FLRT2: variants seen among roughly 807,000 people sequenced by gnomAD.
The protein encoded by FLRT2 is leucine-rich repeat transmembrane protein FLRT2.
In FLRT2, 15 loss-of-function variants were observed where a neutral mutation model predicts 40.0. The ratio of observed to expected loss-of-function variants is 0.38; its 90% confidence interval spans 0.25 to 0.58. The LOEUF is 0.58. Among genes scored for constraint, FLRT2 ranks in the 20% least tolerant of loss-of-function variants. The probability of loss-of-function intolerance (pLI) is 0.71; values close to 1 mark genes in which losing one functional copy is unlikely to be tolerated. For missense variants in FLRT2, 726 were observed against 840.0 expected (o/e 0.86, Z 1.68); for synonymous variants, 380 against 336.8 (o/e 1.13, Z -1.41).
At chr14:85,559,026 G>GCACATAGAAGCACATGTGTA (rs1267809794) in intron 1 of FLRT2, among the ~76,000 whole-genome samples, 2 of 152,124 alleles carry the variant, frequency 1.3e-5, no homozygotes, top group African/African-American at 4.8e-5. Context: ...ACCAATACAC[G>GCACATAGAAGCACATGTGTA]CACATAGAAG....
rs1375310588 is a variant in FLRT2 at position 85,623,625 on chromosome 14, CTG to C, written c.*130_*131del. On this transcript the variant is annotated 3_prime_UTR_variant, in exon 2 of 2. Transcript: ENST00000330753. The stretch of plus-strand genomic sequence containing the variant: ...AGATGCATTTGTGCATTTGAATACT[CTG>C]TAATTTATACGGTGTACTATATAAT... 6.5e-5 allele frequency: 46 copies of C among 708,130 alleles called. No individual in the cohort carries two copies. The highest frequency in any genetic ancestry group is 9.2e-5 in the Non-Finnish European group (43 of 466,840). The allele number at this position is 708,130 out of a possible 1,614,324, so 43.9% of individuals were successfully genotyped here.
At chr14:85,533,764 C>G (rs1247982161) in intron 1 of FLRT2, among the ~76,000 whole-genome samples, 1 of 151,684 alleles carries the variant, frequency 6.6e-6, no homozygotes, top group Non-Finnish European at 1.5e-5. Flanking sequence ...GCGAGGCGAG[C>G]TGGGCGCCCC....
intron 1 of FLRT2, among the ~76,000 whole-genome samples, chr14:85,588,588 T>A (rs1891743135): frequency 6.6e-6 from 1 of 152,158 alleles, no homozygotes; most frequent in Non-Finnish European, 1.5e-5. Context: ...GTATCCATCC[T>A]CTTAAGGATT....
chr14:85,609,025 T>A (rs1335757989), intron 1 of FLRT2, among the ~76,000 whole-genome samples: 1 of 152,208 alleles, frequency 6.6e-6, no homozygotes, highest in Non-Finnish European at 1.5e-5. Context: ...AAAGTGGCAG[T>A]GCAGGGATAA....
Position 85,530,396 on chromosome 14 carries a change from A to G in FLRT2, c.-515A>G, listed in dbSNP as rs376621464. Reference sequence around the variant, plus strand: ...GTGGCAGTTCTCAACGATGGGCAGGAGGGACCTCGGCGGCGACCCCTAAAA... The same window carrying G: ...GTGGCAGTTCTCAACGATGGGCAGGGGGGACCTCGGCGGCGACCCCTAAAA... On this transcript the variant is annotated 5_prime_UTR_variant, in exon 1 of 2. Transcript: ENST00000330753. The G allele has an allele frequency of 4.6e-5, 7 of 152,642 alleles. No individual in the cohort carries two copies. In the East Asian group the frequency reaches 1.2e-3, roughly 26 times the overall value. 9.5% of individuals were successfully genotyped at this position (152,642 alleles called of 1,614,324 possible).
intron 1 of FLRT2, among the ~76,000 whole-genome samples, chr14:85,538,901 A>G (rs1296674789): frequency 6.6e-6 from 1 of 152,138 alleles, no homozygotes; most frequent in Admixed American, 6.5e-5. Flanking sequence ...AGAATCTAGC[A>G]TCTAAACAGC....
intron 1 of FLRT2, among the ~76,000 whole-genome samples, chr14:85,588,056 C>G (rs189403247): frequency 6.6e-6 from 1 of 151,968 alleles, no homozygotes; most frequent in African/African-American, 2.4e-5. Context: ...CTCAGCCTCC[C>G]GAGTGATATT....
At chr14:85,539,297 A>T (rs963419372) in intron 1 of FLRT2, among the ~76,000 whole-genome samples, 1 of 152,088 alleles carries the variant, frequency 6.6e-6, no homozygotes, top group Non-Finnish European at 1.5e-5. Context: ...ACAGATGTAG[A>T]ATTCTGCAGA....
Position 85,638,152 on chromosome 14 carries a change from A to T in FLRT2, c.*14655A>T. 1.3e-5 allele frequency: 2 copies of T among 152,172 alleles called. No individual in the cohort carries two copies. The highest frequency in any genetic ancestry group is 2.9e-5 in the Non-Finnish European group (2 of 68,092). 9.4% of individuals were successfully genotyped at this position (152,172 alleles called of 1,614,324 possible). On this transcript the variant is annotated 3_prime_UTR_variant, in exon 2 of 2. Coordinates refer to ENST00000330753, the MANE Select transcript of FLRT2 (RefSeq NM_013231.6). ...ACTGAGTGTGGATAGAGAAAGGAGA[A>T]ATGGAAGAGTTTGGAGCACGGGCCA... is the stretch of plus-strand genomic sequence containing the variant.
intron 1 of FLRT2, among the ~76,000 whole-genome samples, chr14:85,564,593 A>T (rs1370349612): frequency 6.6e-6 from 1 of 152,190 alleles, no homozygotes; most frequent in Non-Finnish European, 1.5e-5. Flanking sequence ...CTGGTGGGTT[A>T]TGAGGCTCTC....
chr14:85,558,568 G>A (rs1890120531), intron 1 of FLRT2, among the ~76,000 whole-genome samples: 1 of 152,156 alleles, frequency 6.6e-6, no homozygotes, highest in Non-Finnish European at 1.5e-5. Context: ...TTCAAAGGAG[G>A]AGTCTCTTTC....
intron 1 of FLRT2, among the ~76,000 whole-genome samples, chr14:85,616,336 C>T (rs144443480): frequency 2.7e-5 from 4 of 150,676 alleles, no homozygotes; most frequent in Admixed American, 6.6e-5. Flanking sequence ...AAAAAAAAAC[C>T]CTTTTCCTTT....
intron 1 of FLRT2, among the ~76,000 whole-genome samples, chr14:85,534,446 G>A (rs1451685828): frequency 6.6e-6 from 1 of 152,102 alleles, no homozygotes; most frequent in Non-Finnish European, 1.5e-5. Flanking sequence ...AAGCAAAGAG[G>A]AAAAAATATC....
rs1381055722 is a variant in FLRT2 at position 85,633,207 on chromosome 14, G to C, written c.*9710G>C. 6.6e-6 allele frequency: 1 copy of C among 152,130 alleles called. No homozygotes were observed. The highest frequency in any genetic ancestry group is 1.5e-5 in the Non-Finnish European group (1 of 68,002). 9.4% of individuals were successfully genotyped at this position (152,130 alleles called of 1,614,324 possible). A position where few individuals can be genotyped will look rare whatever the true frequency, so the allele number is the denominator to read the frequency against. Reference sequence around the variant, plus strand: ...GCACAGCTATTATCAAGATGGGTCTGTCAGAAAGGTTTTCATTATTCTGTA... The same window carrying C: ...GCACAGCTATTATCAAGATGGGTCTCTCAGAAAGGTTTTCATTATTCTGTA... On this transcript the variant is annotated 3_prime_UTR_variant, in exon 2 of 2. Transcript: ENST00000330753.
rs576690120 is a variant in FLRT2, at chr14:85,644,894, T to C, written c.*21397T>C. ...GATGGTCATGCAGTTTGTAAAACTT[T>C]GCCAATCTCGTAGGAGATTAATAGC... is the stretch of plus-strand genomic sequence containing the variant. On this transcript the variant is annotated 3_prime_UTR_variant, in exon 2 of 2. Coordinates refer to ENST00000330753, the MANE Select transcript of FLRT2 (RefSeq NM_013231.6). 5.9e-5 allele frequency: 9 copies of C among 152,312 alleles called. No individual in the cohort carries two copies. In the South Asian group the frequency reaches 1.7e-3, roughly 28 times the overall value. The allele number at this position is 152,312 out of a possible 1,614,324, so 9.4% of individuals were successfully genotyped here.
At chr14:85,617,548 A>G (rs1294584082) in intron 1 of FLRT2, among the ~76,000 whole-genome samples, 1 of 152,160 alleles carries the variant, frequency 6.6e-6, no homozygotes, top group Non-Finnish European at 1.5e-5. Flanking sequence ...CCCAACTTAA[A>G]GTCTAAAAGG....
chr14:85,553,001 T>A (rs1889734316), intron 1 of FLRT2, among the ~76,000 whole-genome samples: 1 of 152,198 alleles, frequency 6.6e-6, no homozygotes, highest in Admixed American at 6.5e-5. Context: ...CTACATTGAA[T>A]TTTAACTATG....
chr14:85,600,421 G>A (rs1277798628), intron 1 of FLRT2, among the ~76,000 whole-genome samples: 1 of 152,188 alleles, frequency 6.6e-6, no homozygotes, highest in Non-Finnish European at 1.5e-5. Flanking sequence ...TCTGTGTACT[G>A]AGGAAGAGGT....
intron 1 of FLRT2, among the ~76,000 whole-genome samples, chr14:85,592,662 AC>A (rs1274341448): frequency 1.5e-5 from 2 of 132,114 alleles, no homozygotes; most frequent in Non-Finnish European, 3.2e-5. Context: ...CAGGTTGGGC[AC>A]CTGTAATCCC....
Sources: gnomAD v4.1 joint callset for allele counts (sites outside exome capture counted in the v4.1 genomes callset) on GRCh38, gnomAD v4.1.1 for gene constraint, MANE v1.5 for transcripts, NCBI Gene and HGNC (gene_info 2026-07-23, HGNC 2026-07-21) for gene names.